Variants in ANKRD28 observed in about 807,000 individuals in gnomAD.
ANKRD28 encodes serine/threonine-protein phosphatase 6 regulatory ankyrin repeat subunit A.
Under a neutral mutation model 126.5 loss-of-function variants are expected in ANKRD28, and 44 were observed. The ratio of observed to expected loss-of-function variants is 0.35; its 90% CI spans 0.27 to 0.45. The LOEUF (loss-of-function observed/expected upper bound fraction) is 0.45, where lower values mean the gene tolerates loss of function less well. Ranked by LOEUF, ANKRD28 falls within the 20% of genes least tolerant of loss-of-function variation. The probability of loss-of-function intolerance (pLI) is 1.00; values close to 1 mark genes in which losing one functional copy is unlikely to be tolerated. For synonymous variants in ANKRD28, 442 were observed against 468.5 expected, an observed-to-expected ratio of 0.94 and a Z score of 0.73; for missense variants, 1,110 against 1,316.6, an observed-to-expected ratio of 0.84 and a Z score of 2.43.
chr3:15,734,684 G>A (rs181416569), intron 6 of ANKRD28, among the ~76,000 whole-genome samples: 3 of 152,324 alleles, frequency 2.0e-5, no homozygotes, highest in Non-Finnish European at 4.4e-5. Context: ...TATACTTAGA[G>A]ATCTACCTTC....
At chr3:15,728,452 C>T (rs919263223) in intron 6 of ANKRD28, among the ~76,000 whole-genome samples, 2 of 152,138 alleles carry the variant, frequency 1.3e-5, no homozygotes, top group Non-Finnish European at 2.9e-5. Flanking sequence ...TGCCACCACA[C>T]TGGGCTAATC....
At position 15,797,840 on chromosome 3, in the gene ANKRD28, G is replaced by T; in HGVS notation, c.-1319C>A. ...ACCACTGACATCCCCAAATGAGTAG[G>T]TCCTTAAAAAATATCTATAGAACCT... is the stretch of plus-strand genomic sequence containing the variant. On this transcript the variant is annotated 5_prime_UTR_variant, in exon 1 of 28. Transcript: ENST00000683139. The T allele has an allele frequency of 1.0e-6, 1 of 985,318 alleles. No individual in the cohort carries two copies. The highest frequency in any genetic ancestry group is 1.2e-6 in the Non-Finnish European group (1 of 829,928). The allele number at this position is 985,318 out of a possible 1,614,324, so 61.0% of individuals were successfully genotyped here. A position where few individuals can be genotyped will look rare whatever the true frequency, so the allele number is the denominator to read the frequency against.
chr3:15,719,668 A>C (rs2073477550), intron 8 of ANKRD28, among the ~76,000 whole-genome samples: 1 of 152,138 alleles, frequency 6.6e-6, no homozygotes, highest in Non-Finnish European at 1.5e-5. Flanking sequence ...TTCTGGGCTC[A>C]AGTGATCCTC....
chr3:15,829,435 A>G (rs370701369), intron 1 of ANKRD28, among the ~76,000 whole-genome samples: 9 of 152,268 alleles, frequency 5.9e-5, no homozygotes, highest in African/African-American at 2.2e-4. Flanking sequence ...TTGACAAGTG[A>G]TATCTCTTAG....
chr3:15,785,883 TA>T (rs1162897816), intron 2 of ANKRD28, among the ~76,000 whole-genome samples: 4 of 151,758 alleles, frequency 2.6e-5, no homozygotes, highest in Admixed American at 2.0e-4. Flanking sequence ...ACCAAGCCAT[TA>T]AAAAAACATA....
intron 27 of ANKRD28, among the ~76,000 whole-genome samples, chr3:15,670,837 A>C (rs1170894913): frequency 6.6e-6 from 1 of 152,252 alleles, no homozygotes; most frequent in Non-Finnish European, 1.5e-5. Flanking sequence ...TATCCATCTG[A>C]ATTCACAGAA....
intron 14 of ANKRD28, among the ~76,000 whole-genome samples, chr3:15,706,071 TTG>T (rs1019438535): frequency 6.6e-6 from 1 of 151,896 alleles, no homozygotes; most frequent in South Asian, 2.1e-4. Flanking sequence ...AATTTTTTTT[TTG>T]TGTGTGTGTG....
At chr3:15,826,893 T>C (rs2061079005) in intron 1 of ANKRD28, among the ~76,000 whole-genome samples, 1 of 152,190 alleles carries the variant, frequency 6.6e-6, no homozygotes, top group South Asian at 2.1e-4. Flanking sequence ...AAATTAGGAC[T>C]ACAGAGTTCT....
At chr3:15,827,739 G>A (rs2061098748) in intron 1 of ANKRD28, among the ~76,000 whole-genome samples, 1 of 152,076 alleles carries the variant, frequency 6.6e-6, no homozygotes, top group African/African-American at 2.4e-5. Flanking sequence ...AAGTTAAATT[G>A]GACTTTGTCA....
chr3:15,843,853 G>A lies in ANKRD28; in HGVS notation c.27+15524C>T, dbSNP rs1303803278. ...CAAGGGTATCAATACGAAAGCAATGGGCAAGTTGCAAGAGGCAGAAGATGG... is the reference window on the plus strand; with the variant it reads ...CAAGGGTATCAATACGAAAGCAATGAGCAAGTTGCAAGAGGCAGAAGATGG... On this transcript the variant is annotated intron_variant, in intron 1 of 27. Transcript: ENST00000399451. This position sits in a 1 kb window ranked among gnomAD's most constrained non-coding sequence, Gnocchi z 5.2. 6.6e-6 allele frequency among the ~76,000 whole-genome samples: 1 copy of A among 152,052 alleles called. No homozygotes were observed. Among genetic ancestry groups the A allele is most frequent in the Non-Finnish European group, 1.5e-5 (1 of 68,006 alleles).
chr3:15,849,175 G>C (rs1436459676), intron 1 of ANKRD28, among the ~76,000 whole-genome samples: 1 of 152,130 alleles, frequency 6.6e-6, no homozygotes, highest in Non-Finnish European at 1.5e-5. Context: ...TAAATGGAAA[G>C]CATCCCATGT....
At chr3:15,758,394 C>T (rs1285452521) in intron 3 of ANKRD28, among the ~76,000 whole-genome samples, 1 of 152,144 alleles carries the variant, frequency 6.6e-6, no homozygotes, top group African/African-American at 2.4e-5. Flanking sequence ...AGCTGCTGCA[C>T]TGTATCTTTT....
At chr3:15,743,389 A>T (rs1407584119) in intron 4 of ANKRD28, among the ~76,000 whole-genome samples, 1 of 151,726 alleles carries the variant, frequency 6.6e-6, no homozygotes, top group African/African-American at 2.4e-5. Flanking sequence ...AAAAAACAAA[A>T]CATATTTGCA....
chr3:15,764,762 T>TAA (rs1171367113), intron 3 of ANKRD28, among the ~76,000 whole-genome samples: 1 of 152,106 alleles, frequency 6.6e-6, no homozygotes, highest in Non-Finnish European at 1.5e-5. Flanking sequence ...CCTCAGTTCT[T>TAA]ATCTTGAGTA....
intron 17 of ANKRD28, among the ~76,000 whole-genome samples, chr3:15,692,226 G>C (rs2068907084): frequency 1.3e-5 from 2 of 151,892 alleles, no homozygotes; most frequent in Admixed American, 6.6e-5. Flanking sequence ...CAACACAGGA[G>C]GATTACTTGA....
At chr3:15,714,966 G>GA (rs1162654774) in intron 8 of ANKRD28, among the ~76,000 whole-genome samples, 4 of 152,100 alleles carry the variant, frequency 2.6e-5, no homozygotes, top group African/African-American at 9.7e-5. Context: ...TCCATTCTAA[G>GA]AAATTCTGAA....
At chr3:15,739,471 C>T (rs553831062) in intron 4 of ANKRD28, among the ~76,000 whole-genome samples, 31 of 152,244 alleles carry the variant, frequency 2.0e-4, no homozygotes, top group African/African-American at 6.3e-4. Context: ...AAAATGAAAA[C>T]GACCAAAACC....
At chr3:15,850,190 T>TTAAA (rs1393900361) in intron 1 of ANKRD28, among the ~76,000 whole-genome samples, 4 of 31,962 alleles carry the variant, frequency 1.3e-4, no homozygotes, top group African/African-American at 3.6e-4. Flanking sequence ...CTACATGCAA[T>TTAAA]AAAAAAAAAA....
chr3:15,804,745 T>C lies in ANKRD28; in HGVS notation c.28-9439A>G, dbSNP rs958596516. Among the ~76,000 whole-genome samples, 3 of 144,418 alleles carry C rather than the reference T, an allele frequency of 2.1e-5. 1 individual carries two copies. Among genetic ancestry groups the C allele is most frequent in the Non-Finnish European group, 4.5e-5 (3 of 66,900 alleles). The allele number at this position is 144,418 out of a possible 152,430, so 94.7% of individuals were successfully genotyped here. A position where few individuals can be genotyped will look rare whatever the true frequency, so the allele number is the denominator to read the frequency against. On this transcript the variant is annotated intron_variant, in intron 1 of 27. Coordinates refer to the ANKRD28 transcript ENST00000399451. ...GTACAGATGACTGCTGGTGTGGAGGTTGTTAAATAGTTAAGTATGTTCAAA... is the reference window on the plus strand; with the variant it reads ...GTACAGATGACTGCTGGTGTGGAGGCTGTTAAATAGTTAAGTATGTTCAAA...
Sources: gnomAD v4.1 joint callset for allele counts (sites outside exome capture counted in the v4.1 genomes callset) on GRCh38, gnomAD v4.1.1 for gene constraint, Gnocchi (gnomAD v3.1) non-coding constraint, MANE v1.5 for transcripts, NCBI Gene and HGNC (gene_info 2026-07-23, HGNC 2026-07-21) for gene names.